The following MLXIP variants were observed in gnomAD, a reference collection of about 807,000 sequenced individuals.
MLXIP encodes MLX interacting protein, also known as MLX-interacting protein.
Under a neutral mutation model 87.2 loss-of-function variants are expected in MLXIP, and 30 were observed. That is an observed-to-expected ratio of 0.34 (90% CI 0.26 to 0.47). MLXIP has a LOEUF of 0.47. Ranked by LOEUF, MLXIP falls within the 20% of genes least tolerant of loss-of-function variation. MLXIP has a pLI of 1.00. For synonymous variants in MLXIP, 530 were observed against 514.0 expected, an observed-to-expected ratio of 1.03 and a Z score of -0.42; for missense variants, 1,002 against 1,240.1, an observed-to-expected ratio of 0.81 and a Z score of 2.88.
intron 14 of MLXIP, 124 bp from the exon 15 acceptor site, chr12:122,138,691 C>G: frequency 4.0e-6 from 6 of 1,496,456 alleles, no homozygotes; most frequent in Non-Finnish European, 5.4e-6. Context: ...CAACCTCCTT[C>G]CACAGACCTC....
In MLXIP at chr12:122,146,993, G is replaced by A. The variant is rs372578216; in HGVS notation, c.*5181G>A. On this transcript the variant is annotated 3_prime_UTR_variant, in exon 17 of 17. Transcript: ENST00000319080. ...TAGCCGAATCTTTTTCGAACAGCCC[G>A]GGAAAGGAAAACGGATTCACTTGCT... The A allele has an allele frequency of 6.6e-6, 1 of 152,314 alleles. No individual in the cohort carries two copies. The highest frequency in any genetic ancestry group is 1.9e-4 in the East Asian group (1 of 5,182). The allele number at this position is 152,314 out of a possible 1,614,324, so 9.4% of individuals were successfully genotyped here. A position where few individuals can be genotyped will look rare whatever the true frequency, so the allele number is the denominator to read the frequency against.
chr12:122,093,078 T>C (rs960067379), intron 1 of MLXIP, among the ~76,000 whole-genome samples: 44 of 145,094 alleles, frequency 3.0e-4, no homozygotes, highest in Non-Finnish European at 5.9e-4. Context: ...TTGGTGTGTT[T>C]GCTGTGTGTG....
Position 122,079,087 on chromosome 12 carries a change from C to T in MLXIP, c.234C>T (p.His78=). 6.5e-7 allele frequency: 1 copy of T among 1,544,512 alleles called. No individual in the cohort carries two copies. The highest frequency in any genetic ancestry group is 8.7e-7 in the Non-Finnish European group (1 of 1,145,208). Residue 78 remains histidine, a synonymous_variant, in exon 1 of 17, where the codon CAC becomes CAT. Transcript: ENST00000319080. ...EEPPRRQQII[H]SGHFMVSSPH... is the part of the protein sequence containing the mutation. The stretch of plus-strand genomic sequence containing the variant: ...CTCCGCGCCGCCAGCAGATCATCCA[C>T]AGCGGCCACTTCATGGTGTCGTCGC...
intron 1 of MLXIP, among the ~76,000 whole-genome samples, chr12:122,098,196 G>A (rs1354717343): frequency 1.3e-5 from 2 of 152,210 alleles, no homozygotes; most frequent in Non-Finnish European, 2.9e-5. Context: ...GTAAAATAGG[G>A]ATGAAGCGAG....
At chr12:122,125,472 C>A (rs4758691) in intron 1 of MLXIP, among the ~76,000 whole-genome samples, 76,877 of 152,126 alleles carry the variant, frequency 0.51, 19,929 homozygotes, top group Middle Eastern at 0.64. Context: ...TTTACTGTAC[C>A]CAAATGTGCT....
intron 15 of MLXIP, among the ~76,000 whole-genome samples, chr12:122,140,524 C>T (rs1393605602): frequency 6.6e-6 from 1 of 152,108 alleles, no homozygotes; most frequent in Non-Finnish European, 1.5e-5. Context: ...AAACTCCTGA[C>T]CTCAAGTGAT....
At chr12:122,134,156 C>T (rs987650304) in intron 9 of MLXIP, 169 bp downstream of exon 9, 1 of 828,402 alleles carries the variant, frequency 1.2e-6, no homozygotes, top group African/African-American at 1.7e-5. Context: ...AATACATGGC[C>T]ATGATCTAGT....
chr12:122,101,626 G>C (rs1952439854), intron 1 of MLXIP, among the ~76,000 whole-genome samples: 1 of 145,684 alleles, frequency 6.9e-6, no homozygotes, highest in Non-Finnish European at 1.5e-5. Context: ...TGTCGCCCAG[G>C]CTGGAGTGCA....
At chr12:122,101,332 C>G (rs1565964255) in intron 1 of MLXIP, among the ~76,000 whole-genome samples, 1 of 150,274 alleles carries the variant, frequency 6.7e-6, no homozygotes, top group Non-Finnish European at 1.5e-5. Flanking sequence ...TGTCACTTTG[C>G]TTTTTTTTCT....
At position 122,145,127 on chromosome 12, in the gene MLXIP, C is replaced by T. The variant is rs549415156; in HGVS notation, c.*3315C>T. 1.3e-5 allele frequency: 2 copies of T among 152,402 alleles called. No homozygotes were observed. The highest frequency in any genetic ancestry group is 2.1e-4 in the South Asian group (1 of 4,834). 9.4% of individuals were successfully genotyped at this position (152,402 alleles called of 1,614,324 possible). On this transcript the variant is annotated 3_prime_UTR_variant, in exon 17 of 17. Transcript: ENST00000319080. ...CACCCTGGGCGGGCTGGCTAGCTGC[C>T]TTCTTAGGACATCTCTACTTTGAAG...
chr12:122,122,654 G>T (rs1422826179), intron 1 of MLXIP, among the ~76,000 whole-genome samples: 1 of 151,902 alleles, frequency 6.6e-6, no homozygotes, highest in African/African-American at 2.4e-5. Context: ...CCATTCTCCG[G>T]CCTCAGCCTC....
At position 122,112,158 on chromosome 12, in the gene MLXIP, C is replaced by T. The variant is rs558681353; in HGVS notation, c.414-15098C>T. On this transcript the variant is annotated intron_variant, in intron 1 of 16. Coordinates refer to ENST00000319080, the MANE Select transcript of MLXIP (RefSeq NM_014938.6). ...GATTGGACACAGGTCAGTGGTGATG[C>T]AGGGCCCAGAACAAGCCCTGGTATA... 9.2e-5 allele frequency among the ~76,000 whole-genome samples: 14 copies of T among 152,224 alleles called. No homozygotes were observed. The South Asian group carries it at 2.7e-3, about 29-fold the overall frequency.
rs1306079869 is a variant in MLXIP, at chr12:122,133,789, C to A, written c.1534C>A (p.His512Asn). Reference sequence around the variant, plus strand: ...GAGTCAGGGCCTTGTGATCACCACCCATCACCCTGCCCCGTCAGCGGCCCC... The same window carrying A: ...GAGTCAGGGCCTTGTGATCACCACCAATCACCCTGCCCCGTCAGCGGCCCC... ...SQSQGLVITT[H>N]HPAPSAAPCG... is the part of the protein sequence containing the mutation. Residue 512 changes from histidine (H) to asparagine (N), a missense_variant, in exon 9 of 17, where the codon CAT (histidine) becomes AAT (asparagine). His to Asn is a moderately conservative substitution (Grantham distance 68). Coordinates refer to ENST00000319080, the MANE Select transcript of MLXIP (RefSeq NM_014938.6). This position sits in a 1 kb window ranked among gnomAD's most constrained non-coding sequence, Gnocchi z 4.9. The A allele has an allele frequency of 6.2e-7, 1 of 1,613,142 alleles. No individual in the cohort carries two copies. The highest frequency in any genetic ancestry group is 1.3e-5 in the African/African-American group (1 of 74,936).
At chr12:122,132,683 A>G (rs1238568219) in intron 8 of MLXIP, 1 of 334,160 alleles carries the variant, frequency 3.0e-6, no homozygotes, top group African/African-American at 2.1e-5. Flanking sequence ...GACAGAGAAG[A>G]AAAACATGGA....
rs1406605694 is a variant in MLXIP at position 122,144,619 on chromosome 12, C to T, written c.*2807C>T. 6.6e-6 allele frequency: 1 copy of T among 152,044 alleles called. No homozygotes were observed. The highest frequency in any genetic ancestry group is 1.5e-5 in the Non-Finnish European group (1 of 68,050). 9.4% of individuals were successfully genotyped at this position (152,044 alleles called of 1,614,324 possible). ...AGAAAATAGAGGCAGACTGTGGTGG[C>T]TCACGCCTGTAATCCCAGCACTTTG... On this transcript the variant is annotated 3_prime_UTR_variant, in exon 17 of 17. Coordinates refer to ENST00000319080, the MANE Select transcript of MLXIP (RefSeq NM_014938.6).
chr12:122,084,024 G>C (rs1860848879), intron 1 of MLXIP, among the ~76,000 whole-genome samples: 1 of 152,182 alleles, frequency 6.6e-6, no homozygotes, highest in South Asian at 2.1e-4. Flanking sequence ...AAAAAACACA[G>C]TCTCTCTCCT....
intron 4 of MLXIP, 61 bp from the exon 5 acceptor site, chr12:122,129,527 A>C: frequency 1.8e-5 from 29 of 1,586,978 alleles, no homozygotes; most frequent in South Asian, 2.3e-5. Flanking sequence ...TGTATATTCT[A>C]GAGCCCTTGG....
At chr12:122,138,657 T>G in intron 14 of MLXIP, 106 bp downstream of exon 14, 4 of 1,503,154 alleles carry the variant, frequency 2.7e-6, no homozygotes, top group Non-Finnish European at 3.6e-6. Flanking sequence ...AGTGCCTCTT[T>G]GCTGCAGTAG....
chr12:122,094,793 TTA>T (rs1256183931), intron 1 of MLXIP, among the ~76,000 whole-genome samples: 6 of 136,722 alleles, frequency 4.4e-5, no homozygotes, highest in African/African-American at 8.2e-5. Flanking sequence ...GGGGTGTGTG[TTA>T]TGTGTGTGGT....
Sources: gnomAD v4.1 joint callset for allele counts (sites outside exome capture counted in the v4.1 genomes callset) on GRCh38, gnomAD v4.1.1 for gene constraint, Gnocchi (gnomAD v3.1) non-coding constraint, MANE v1.5 for transcripts, NCBI Gene and HGNC (gene_info 2026-07-23, HGNC 2026-07-21) for gene names.